Variants in LINGO2 observed in about 807,000 individuals in gnomAD.
LINGO2 encodes leucine rich repeat and Ig domain containing 2.
Under a neutral mutation model 30.6 loss-of-function variants are expected in LINGO2, and 14 were observed. That is an observed-to-expected ratio of 0.46 (90% CI 0.30 to 0.72). The LOEUF (loss-of-function observed/expected upper bound fraction) is 0.72, where lower values mean the gene tolerates loss of function less well. LINGO2 is among the 30% of genes least tolerant of loss of function. The pLI is 0.07. For synonymous variants in LINGO2, 317 were observed against 288.5 expected (o/e 1.10, Z -1.00); for missense variants, 729 against 751.7 (o/e 0.97, Z 0.35).
At chr9:28,790,840 T>G in the LINGO2 span, among the ~76,000 whole-genome samples, 1 of 152,296 alleles carries the variant, frequency 6.6e-6, no homozygotes, top group African/African-American at 2.4e-5. Context: ...GGGAAAAACA[T>G]AGTTCATTTA....
chr9:28,433,917 CTCTCTT>C (rs1250012876), intron 2 of LINGO2, among the ~76,000 whole-genome samples: 18 of 58,782 alleles, frequency 3.1e-4, no homozygotes, highest in African/African-American at 1.0e-3. Context: ...AAAATGTGCT[CTCTCTT>C]TCTCTCTCTC....
chr9:28,109,065 T>A (rs1363815105), intron 4 of LINGO2, among the ~76,000 whole-genome samples: 2 of 152,204 alleles, frequency 1.3e-5, no homozygotes. Context: ...GTCAGCTTCA[T>A]CTCTGGTATA....
At chr9:28,919,953 C>T in the LINGO2 span, among the ~76,000 whole-genome samples, 2 of 152,008 alleles carry the variant, frequency 1.3e-5, no homozygotes, top group African/African-American at 4.8e-5. Context: ...TATTTCTATA[C>T]TTTATATGAG....
chr9:28,553,014 G>C (rs564699926), intron 1 of LINGO2, among the ~76,000 whole-genome samples: 23 of 151,794 alleles, frequency 1.5e-4, no homozygotes, highest in Non-Finnish European at 2.5e-4. Flanking sequence ...TTGTTTGTTT[G>C]TTTTAGTCTC....
chr9:28,674,531 G>A (rs1829145490), upstream of LINGO2, among the ~76,000 whole-genome samples: 1 of 151,808 alleles, frequency 6.6e-6, no homozygotes, highest in Admixed American at 6.6e-5. Flanking sequence ...TAAATAAAAA[G>A]GTACACATTT....
the LINGO2 span, among the ~76,000 whole-genome samples, chr9:29,096,197 A>G: frequency 1.4e-5 from 2 of 139,612 alleles, no homozygotes; most frequent in Admixed American, 7.3e-5. Flanking sequence ...CTGCTCTGCT[A>G]TAGAGTGATT....
At chr9:29,142,534 G>GA in the LINGO2 span, among the ~76,000 whole-genome samples, 150 of 151,576 alleles carry the variant, frequency 9.9e-4, no homozygotes, top group African/African-American at 3.5e-3. Context: ...AAATTAGCAG[G>GA]AAAAAAGATA....
intron 4 of LINGO2, among the ~76,000 whole-genome samples, chr9:28,153,906 T>A (rs1170174056): frequency 6.6e-6 from 1 of 152,154 alleles, no homozygotes; most frequent in Non-Finnish European, 1.5e-5. Flanking sequence ...GCAAATACAA[T>A]TGGGACAAGG....
intron 1 of LINGO2, among the ~76,000 whole-genome samples, chr9:28,624,358 A>G (rs1745768457): frequency 6.6e-6 from 1 of 151,704 alleles, no homozygotes; most frequent in Admixed American, 6.6e-5. Context: ...TTCTATATCT[A>G]GTTTTGGGCG....
At chr9:28,691,486 C>T in the LINGO2 span, among the ~76,000 whole-genome samples, 4 of 151,990 alleles carry the variant, frequency 2.6e-5, no homozygotes, top group Non-Finnish European at 4.4e-5. Context: ...TCCTTGTAGC[C>T]TCTTATCTTC....
chr9:28,520,711 A>G (rs1820797583), intron 1 of LINGO2, among the ~76,000 whole-genome samples: 1 of 152,196 alleles, frequency 6.6e-6, no homozygotes. Flanking sequence ...CATTCCACCA[A>G]TGCTCAATAA....
At chr9:28,611,860 G>A (rs1438520101) in intron 1 of LINGO2, among the ~76,000 whole-genome samples, 6 of 150,682 alleles carry the variant, frequency 4.0e-5, no homozygotes, top group East Asian at 2.0e-4. Context: ...ACGCTCTGTC[G>A]CCCAGGCTGG....
chr9:29,145,847 T>G, the LINGO2 span, among the ~76,000 whole-genome samples: 2 of 152,206 alleles, frequency 1.3e-5, no homozygotes, highest in Non-Finnish European at 2.9e-5. Context: ...TTTAAATAAT[T>G]GCATATTATA....
the LINGO2 span, among the ~76,000 whole-genome samples, chr9:28,846,315 C>T: frequency 6.6e-6 from 1 of 151,568 alleles, no homozygotes; most frequent in Non-Finnish European, 1.5e-5. Context: ...CTGCCCTGTT[C>T]GAGCCCATCA....
the LINGO2 span, among the ~76,000 whole-genome samples, chr9:29,099,644 C>T: frequency 6.6e-5 from 10 of 152,146 alleles, no homozygotes; most frequent in African/African-American, 2.2e-4. Context: ...TGCTCAACAT[C>T]ATTGATCATC....
At chr9:28,915,904 T>C in the LINGO2 span, among the ~76,000 whole-genome samples, 1 of 152,196 alleles carries the variant, frequency 6.6e-6, no homozygotes, top group Admixed American at 6.5e-5. Flanking sequence ...TGTCTCAAGA[T>C]ATCCTGTAAA....
chr9:28,281,484 C>T (rs1036595360), intron 4 of LINGO2, among the ~76,000 whole-genome samples: 49 of 151,072 alleles, frequency 3.2e-4, no homozygotes, highest in Admixed American at 1.3e-3. Flanking sequence ...TATATATACA[C>T]ACACACACAC....
At position 27,982,852 on chromosome 9, in the gene LINGO2, C is replaced by T. The variant is rs116944730; in HGVS notation, c.-36+29503G>A. Among the ~76,000 whole-genome samples, 783 of 151,846 alleles carry T rather than the reference C, an allele frequency of 5.2e-3. 5 individuals carry two copies. Among genetic ancestry groups the T allele is most frequent in the Middle Eastern group, 0.02 (6 of 294 alleles). On this transcript the variant is annotated intron_variant, in intron 5 of 5. Transcript: ENST00000379992. The stretch of plus-strand genomic sequence containing the variant: ...TGTGGTTAATAATATCAACCCTACA[C>T]AATGGTTGAGGGGAGTTAATGAGAA...
the LINGO2 span, among the ~76,000 whole-genome samples, chr9:29,108,396 CAGT>C: frequency 2.0e-5 from 3 of 152,100 alleles, no homozygotes; most frequent in Non-Finnish European, 2.9e-5. Flanking sequence ...AAAACTCTAA[CAGT>C]AGATTTAGAA....
Sources: allele counts gnomAD v4.1 joint callset (sites outside exome capture counted in the v4.1 genomes callset), GRCh38; gene constraint gnomAD v4.1.1; transcripts MANE v1.5; gene names NCBI Gene and HGNC (gene_info 2026-07-23, HGNC 2026-07-21).